Variants in CCDC175 observed in about 807,000 individuals in gnomAD.
CCDC175 encodes the protein coiled-coil domain containing 175.
Under a neutral mutation model 114.6 loss-of-function variants are expected in CCDC175, and 100 were observed. The observed-to-expected ratio is 0.87, with a 90% confidence interval of 0.74 to 1.03. The LOEUF is 1.03. Ranked by LOEUF, CCDC175 falls within the 50% of genes least tolerant of loss-of-function variation. The pLI is 0.00. For missense variants in CCDC175, 880 were observed against 917.8 expected (o/e 0.96, Z 0.53); for synonymous variants, 306 against 308.7 (o/e 0.99, Z 0.09).
intron 17 of CCDC175, among the ~76,000 whole-genome samples, chr14:59,515,021 T>C (rs1892990606): frequency 6.6e-6 from 1 of 152,146 alleles, no homozygotes; most frequent in Non-Finnish European, 1.5e-5. Context: ...TCAACATTCT[T>C]AAAGAAAAGA....
At chr14:59,508,458 C>T (rs903573618) in intron 19 of CCDC175, among the ~76,000 whole-genome samples, 7 of 107,994 alleles carry the variant, frequency 6.5e-5, no homozygotes, top group South Asian at 3.5e-4. Context: ...CACAGTGGCA[C>T]GTGCCTGTAG....
chr14:59,539,280 A>G (rs1370560992), intron 11 of CCDC175, among the ~76,000 whole-genome samples: 4 of 152,250 alleles, frequency 2.6e-5, no homozygotes, highest in Non-Finnish European at 5.9e-5. Flanking sequence ...GAAGAATGGT[A>G]AAAATGTGCA....
intron 17 of CCDC175, among the ~76,000 whole-genome samples, chr14:59,513,098 A>C (rs1417516051): frequency 2.0e-5 from 3 of 152,256 alleles, no homozygotes; most frequent in Non-Finnish European, 4.4e-5. Flanking sequence ...TTTCAAAAAT[A>C]GTACTGGAAC....
chr14:59,521,079 T>C (rs978511995), intron 17 of CCDC175, among the ~76,000 whole-genome samples: 2 of 152,220 alleles, frequency 1.3e-5, no homozygotes, highest in African/African-American at 4.8e-5. Context: ...TGCAAAGTAC[T>C]GTTCCTGGGT....
chr14:59,560,777 G>T (rs1896186281), intron 7 of CCDC175, among the ~76,000 whole-genome samples: 1 of 152,096 alleles, frequency 6.6e-6, no homozygotes, highest in South Asian at 2.1e-4. Flanking sequence ...ATGGGTAGAT[G>T]GGTTGTAGCC....
chr14:59,541,019 T>C (rs1265423825), intron 10 of CCDC175, among the ~76,000 whole-genome samples: 1 of 152,180 alleles, frequency 6.6e-6, no homozygotes, highest in African/African-American at 2.4e-5. Context: ...TAGAGGTTAA[T>C]GTTTCTCAGA....
chr14:59,532,731 C>A (rs1463417063), intron 13 of CCDC175, among the ~76,000 whole-genome samples: 1 of 152,168 alleles, frequency 6.6e-6, no homozygotes, highest in African/African-American at 2.4e-5. Context: ...AGAATGGAAG[C>A]TACTCCTTGA....
At chr14:59,512,439 T>G (rs914240036) in intron 17 of CCDC175, among the ~76,000 whole-genome samples, 2 of 152,208 alleles carry the variant, frequency 1.3e-5, no homozygotes, top group African/African-American at 4.8e-5. Context: ...GGCAACACTT[T>G]GTATGTGGAG....
At chr14:59,552,863 T>G (rs992133555) in intron 7 of CCDC175, among the ~76,000 whole-genome samples, 3 of 101,698 alleles carry the variant, frequency 2.9e-5, no homozygotes. Flanking sequence ...AGAAAGGGTA[T>G]CAGTGATTGA....
At chr14:59,573,249 T>C (rs1244014288) in intron 2 of CCDC175, among the ~76,000 whole-genome samples, 4 of 152,226 alleles carry the variant, frequency 2.6e-5, no homozygotes, top group Non-Finnish European at 4.4e-5. Context: ...TTATTACTTT[T>C]AGCTGAGGCT....
intron 17 of CCDC175, among the ~76,000 whole-genome samples, chr14:59,514,014 C>T (rs532896132): frequency 5.9e-5 from 9 of 152,182 alleles, no homozygotes; most frequent in Non-Finnish European, 1.2e-4. Context: ...TCACCAATAT[C>T]CGCTGTTCTG....
intron 8 of CCDC175, chr14:59,551,124 A>T (rs1895447768): frequency 3.0e-6 from 1 of 329,888 alleles, no homozygotes; most frequent in African/African-American, 2.1e-5. Context: ...ACCCATACTC[A>T]CATGAAAAGT....
chr14:59,529,295 C>T (rs1240604701), intron 14 of CCDC175, among the ~76,000 whole-genome samples: 1 of 152,180 alleles, frequency 6.6e-6, no homozygotes, highest in African/African-American at 2.4e-5. Context: ...GATCTCAGTA[C>T]AGTACCTGTC....
intron 14 of CCDC175, among the ~76,000 whole-genome samples, chr14:59,527,715 A>T (rs369523491): frequency 6.0e-4 from 92 of 152,278 alleles, no homozygotes; most frequent in African/African-American, 2.1e-3. Flanking sequence ...AATTCATACC[A>T]AATCTACAAC....
In CCDC175 at chr14:59,520,181, A is replaced by G. The variant is rs1457620890; in HGVS notation, c.2098+1393T>C. Among the ~76,000 whole-genome samples the G allele has an allele frequency of 2.0e-5, 3 of 152,258 alleles. No individual in the cohort carries two copies. In the East Asian group the frequency reaches 5.8e-4, roughly 29 times the overall value. ...ACAAAAGATAATATTCAAATGGCCA[A>G]GAAACACATGAAAAAGTATACTCAA... On this transcript the variant is annotated intron_variant, in intron 17 of 19. Coordinates refer to ENST00000537690, the MANE Select transcript of CCDC175 (RefSeq NM_001164399.2).
intron 17 of CCDC175, among the ~76,000 whole-genome samples, chr14:59,514,914 G>C (rs1594980231): frequency 6.6e-6 from 1 of 152,310 alleles, no homozygotes; most frequent in Non-Finnish European, 1.5e-5. Flanking sequence ...GGCAGCCAGA[G>C]AGAAAGGTCG....
intron 9 of CCDC175, among the ~76,000 whole-genome samples, chr14:59,544,068 C>T (rs182700133): frequency 6.6e-6 from 1 of 152,268 alleles, no homozygotes; most frequent in African/African-American, 2.4e-5. Context: ...TCAGTTTCAC[C>T]AGCTATAAAA....
At chr14:59,540,821 T>TA in intron 10 of CCDC175, 75 bp from the exon 11 acceptor site, 1 of 1,228,902 alleles carries the variant, frequency 8.1e-7, no homozygotes, top group Non-Finnish European at 1.1e-6. Context: ...TACGCATAAT[T>TA]TGTATGCTCA....
rs1378910527 is a variant in CCDC175, at chr14:59,545,219, CTT to C, written c.1114_1115del (p.Lys372AspfsTer5). 6.5e-7 allele frequency: 1 copy of C among 1,536,628 alleles called. No individual in the cohort carries two copies. The highest frequency in any genetic ancestry group is 2.0e-5 in the Admixed American group (1 of 50,960). The stretch of plus-strand genomic sequence containing the variant: ...CTTTTTCTTCCTCACTTAAAACAAT[CTT>C]ATATTGTCTGGCAAGAGTTTTCATT... ...EKMKTLARQY[K>X]IVLSEEEKAF... On this transcript the variant is annotated frameshift_variant, in exon 9 of 20. Coordinates refer to ENST00000537690, the MANE Select transcript of CCDC175 (RefSeq NM_001164399.2). LOFTEE classifies it high-confidence loss of function.
Sources: allele counts gnomAD v4.1 joint callset (sites outside exome capture counted in the v4.1 genomes callset), GRCh38; gene constraint gnomAD v4.1.1; transcripts MANE v1.5; gene names NCBI Gene and HGNC (gene_info 2026-07-23, HGNC 2026-07-21).